Variants in SOS1 observed in about 807,000 individuals in gnomAD.
The protein encoded by SOS1 is son of sevenless homolog 1.
Under a neutral mutation model 157.6 loss-of-function variants are expected in SOS1, and 25 were observed. The ratio of observed to expected loss-of-function variants is 0.16; its 90% CI spans 0.12 to 0.22. The LOEUF (loss-of-function observed/expected upper bound fraction) is 0.22. Ranked by LOEUF, SOS1 falls within the 10% of genes least tolerant of loss-of-function variation. The probability of loss-of-function intolerance (pLI) is 1.00; values close to 1 mark genes in which losing one functional copy is unlikely to be tolerated. For synonymous variants in SOS1, 528 were observed against 534.0 expected, an observed-to-expected ratio of 0.99 and a Z score of 0.16; for missense variants, 1,237 against 1,599.1, an observed-to-expected ratio of 0.77 and a Z score of 3.86.
chr2:39,110,414 C>CAT (rs1010189905), intron 1 of SOS1, among the ~76,000 whole-genome samples: 2 of 139,938 alleles, frequency 1.4e-5, no homozygotes, highest in Non-Finnish European at 3.0e-5. Flanking sequence ...GGACTGACTG[C>CAT]ATATATACAT....
At chr2:39,031,091 G>A (rs778371188) in intron 8 of SOS1, among the ~76,000 whole-genome samples, 9 of 152,090 alleles carry the variant, frequency 5.9e-5, no homozygotes, top group Non-Finnish European at 1.2e-4. Flanking sequence ...CTCACCTCCA[G>A]AACTGTGAAA....
At position 38,981,884 on chromosome 2, in the gene SOS1, T is replaced by G. The variant is rs955962734; in HGVS notation, c.*3940A>C. 2.6e-5 allele frequency: 4 copies of G among 152,168 alleles called. No homozygotes were observed. Among genetic ancestry groups the G allele is most frequent in the African/African-American group, 9.6e-5 (4 of 41,462 alleles). The allele number at this position is 152,168 out of a possible 1,614,324, so 9.4% of individuals were successfully genotyped here. A position where few individuals can be genotyped will look rare whatever the true frequency, so the allele number is the denominator to read the frequency against. On this transcript the variant is annotated 3_prime_UTR_variant, in exon 23 of 23. Coordinates refer to ENST00000402219, the MANE Select transcript of SOS1 (RefSeq NM_005633.4). ...TTTGACAAACAAATTCTCTGGTGGTTTCACCAGATATTTGCACCCCAAAGT... is the reference window on the plus strand; with the variant it reads ...TTTGACAAACAAATTCTCTGGTGGTGTCACCAGATATTTGCACCCCAAAGT...
intron 8 of SOS1, among the ~76,000 whole-genome samples, chr2:39,026,218 G>C (rs944696842): frequency 1.3e-5 from 2 of 152,058 alleles, no homozygotes; most frequent in African/African-American, 4.8e-5. Context: ...AGCTGGGTGT[G>C]GTGGCACACG....
chr2:39,101,363 A>G (rs776963556), intron 1 of SOS1, among the ~76,000 whole-genome samples: 14 of 152,190 alleles, frequency 9.2e-5, no homozygotes, highest in Admixed American at 2.6e-4. Flanking sequence ...TTGGAGGTGG[A>G]CAAATTTCAA....
intron 2 of SOS1, among the ~76,000 whole-genome samples, chr2:39,063,494 C>T (rs1468683571): frequency 6.6e-6 from 1 of 152,220 alleles, no homozygotes; most frequent in Non-Finnish European, 1.5e-5. Flanking sequence ...ATCTGCAACA[C>T]TGCCTGATGG....
intron 1 of SOS1, among the ~76,000 whole-genome samples, chr2:39,086,390 A>C (rs1672370955): frequency 6.6e-6 from 1 of 152,218 alleles, no homozygotes; most frequent in African/African-American, 2.4e-5. Context: ...TAAGATGAGC[A>C]GATGTTTTCA....
chr2:39,104,072 A>C lies in SOS1; in HGVS notation c.87+16264T>G, dbSNP rs553327029. On this transcript the variant is annotated intron_variant, in intron 1 of 22. Transcript: ENST00000402219. ...AGGCGGGGGTGGATCACCTGAGGTC[A>C]GGAGTTCTAGACCAGCCTGGCCAAC... Among the ~76,000 whole-genome samples the C allele has an allele frequency of 1.2e-4, 19 of 152,258 alleles. No individual in the cohort carries two copies. The South Asian group carries it at 3.9e-3, about 32-fold the overall frequency.
chr2:39,062,192 C>A (rs950782089), intron 2 of SOS1, among the ~76,000 whole-genome samples: 1 of 151,572 alleles, frequency 6.6e-6, no homozygotes, highest in East Asian at 1.9e-4. Context: ...CGGAGGTGGG[C>A]GGACTGCTTG....
chr2:39,107,925 C>G (rs1449440870), intron 1 of SOS1, among the ~76,000 whole-genome samples: 1 of 152,102 alleles, frequency 6.6e-6, no homozygotes, highest in East Asian at 1.9e-4. Context: ...CAAGGACAGT[C>G]CATCAAACAG....
At chr2:38,987,231 G>GT (rs1447498394) in intron 22 of SOS1, among the ~76,000 whole-genome samples, 4 of 152,002 alleles carry the variant, frequency 2.6e-5, no homozygotes, top group Non-Finnish European at 5.9e-5. Flanking sequence ...TAAAACTTTT[G>GT]TTTTTTTCTG....
chr2:39,119,122 T>C lies in SOS1; in HGVS notation c.87+1214A>G, dbSNP rs1572906052. 2.6e-5 allele frequency among the ~76,000 whole-genome samples: 4 copies of C among 152,262 alleles called. No homozygotes were observed. The South Asian group carries it at 8.3e-4, about 32-fold the overall frequency. ...CAAGCTAAGAAGTCAAACTTGCAAGTAAAGCAAAAGTAAGGAGTGAGAGCC... is the reference window on the plus strand; with the variant it reads ...CAAGCTAAGAAGTCAAACTTGCAAGCAAAGCAAAAGTAAGGAGTGAGAGCC... On this transcript the variant is annotated intron_variant, in intron 1 of 22. Transcript: ENST00000402219.
intron 1 of SOS1, among the ~76,000 whole-genome samples, chr2:39,082,255 A>G (rs1451847372): frequency 6.6e-6 from 1 of 152,202 alleles, no homozygotes; most frequent in African/African-American, 2.4e-5. Flanking sequence ...AATTATTAAT[A>G]TTTAATTCAT....
intron 1 of SOS1, among the ~76,000 whole-genome samples, chr2:39,074,267 T>C (rs1420434040): frequency 6.6e-6 from 1 of 151,710 alleles, no homozygotes; most frequent in Non-Finnish European, 1.5e-5. Flanking sequence ...GGAGAATCGC[T>C]TGAACCCGGG....
At chr2:39,029,293 C>T (rs1051182233) in intron 8 of SOS1, among the ~76,000 whole-genome samples, 1 of 152,176 alleles carries the variant, frequency 6.6e-6, no homozygotes, top group Non-Finnish European at 1.5e-5. Context: ...GAAAACATCA[C>T]TAACTACAAA....
At chr2:39,042,712 AT>A (rs200188697) in intron 6 of SOS1, among the ~76,000 whole-genome samples, 3,722 of 132,614 alleles carry the variant, frequency 0.028, 46 homozygotes, top group East Asian at 0.04. Flanking sequence ...TAATTTTATG[AT>A]TTTTTTTTTT....
At chr2:39,102,036 T>A (rs1450594089) in intron 1 of SOS1, among the ~76,000 whole-genome samples, 2 of 149,922 alleles carry the variant, frequency 1.3e-5, no homozygotes, top group African/African-American at 4.9e-5. Flanking sequence ...AGAAACCCCA[T>A]CTCTACTAAA....
rs1668514343 is a variant in SOS1, at chr2:38,985,139, G to GGT, written c.*683_*684dup. 2 of 152,234 alleles carry GGT rather than the reference G, an allele frequency of 1.3e-5. No homozygotes were observed. The highest frequency in any genetic ancestry group is 4.1e-4 in the South Asian group (2 of 4,822). The allele number at this position is 152,234 out of a possible 1,614,324, so 9.4% of individuals were successfully genotyped here. On this transcript the variant is annotated 3_prime_UTR_variant, in exon 23 of 23. Transcript: ENST00000402219. Reference sequence around the variant, plus strand: ...AGGCAACACCACCACATTTTGTTTGGGTGTGTGGGGACAGGTGGGGGGAAT... The same window carrying GGT: ...AGGCAACACCACCACATTTTGTTTGGGTGTGTGTGGGGACAGGTGGGGGGAAT...
Position 38,987,565 on chromosome 2 carries a change from A to G in SOS1, c.3418T>C (p.Leu1140=), listed in dbSNP as rs375550588. The G allele has an allele frequency of 6.3e-7, 1 of 1,589,486 alleles. No individual in the cohort carries two copies. The change falls in exon 22 of 23, where the codon TTA becomes CTA. Residue 1140 remains leucine, a synonymous_variant. Transcript: ENST00000402219. ...GGCACTTCATCAGTGCCTTTGGTTA[A>G]ACTTATAGATGATACAGAAGCAGAT... The part of the protein sequence containing the change: ...PRSASVSSIS[L]TKGTDEVPVP...
chr2:38,995,273 T>C lies in SOS1; in HGVS notation c.3196A>G (p.Ser1066Gly), dbSNP rs766546302. 1 of 1,614,060 alleles carries C rather than the reference T, an allele frequency of 6.2e-7. No individual in the cohort carries two copies. The highest frequency in any genetic ancestry group is 8.5e-7 in the Non-Finnish European group (1 of 1,179,956). Residue 1066 changes from serine (S) to glycine (G), a missense_variant, in exon 20 of 23, where the codon AGT (serine) becomes GGT (glycine). Coordinates refer to ENST00000402219, the MANE Select transcript of SOS1 (RefSeq NM_005633.4). Reference sequence around the variant, plus strand: ...TCTGTTTCACTTTCAGGGATCCTACTATAACTAATTTTCCTTGGCTCCTGC... The same window carrying C: ...TCTGTTTCACTTTCAGGGATCCTACCATAACTAATTTTCCTTGGCTCCTGC... ...LQQEPRKISY[S>G]RIPESETEST...
Sources: allele counts gnomAD v4.1 joint callset (sites outside exome capture counted in the v4.1 genomes callset), GRCh38; gene constraint gnomAD v4.1.1; transcripts MANE v1.5; gene names NCBI Gene and HGNC (gene_info 2026-07-23, HGNC 2026-07-21).